Variants in TMEM178B observed in about 807,000 individuals in gnomAD.
The protein encoded by TMEM178B is transmembrane protein 178B.
A neutral mutation model predicts 31.0 loss-of-function variants in TMEM178B; 5 were observed. That is an observed-to-expected ratio of 0.16 (90% confidence interval 0.08 to 0.34). The LOEUF (loss-of-function observed/expected upper bound fraction) is 0.34, where lower values mean the gene tolerates loss of function less well. TMEM178B is among the 10% of genes least tolerant of loss of function. The pLI is 1.00. For synonymous variants in TMEM178B, 164 were observed against 164.0 expected (o/e 1.00, Z 0.00); for missense variants, 275 against 400.3 (o/e 0.69, Z 2.67).
At chr7:141,243,359 G>A (rs1563129264) in intron 2 of TMEM178B, among the ~76,000 whole-genome samples, 1 of 152,034 alleles carries the variant, frequency 6.6e-6, no homozygotes. Flanking sequence ...AAGTCTCTCA[G>A]CACTTCTGTC....
chr7:141,276,846 T>A (rs2116390656), intron 2 of TMEM178B, among the ~76,000 whole-genome samples: 1 of 152,360 alleles, frequency 6.6e-6, no homozygotes, highest in South Asian at 2.1e-4. Context: ...CTGTACAGCA[T>A]GTGGCTGTAC....
intron 2 of TMEM178B, among the ~76,000 whole-genome samples, chr7:141,367,989 C>T (rs899543996): frequency 2.6e-5 from 4 of 152,156 alleles, no homozygotes; most frequent in African/African-American, 4.8e-5. Flanking sequence ...GAGGCAGAGG[C>T]CATGCTTATT....
chr7:141,288,380 G>A lies in TMEM178B; in HGVS notation c.496+75676G>A, dbSNP rs529298832. Among the ~76,000 whole-genome samples, 9 of 150,724 alleles carry A rather than the reference G, an allele frequency of 6.0e-5. 1 individual carries two copies. The South Asian group carries it at 1.5e-3, about 25-fold the overall frequency. On this transcript the variant is annotated intron_variant, in intron 2 of 3. Coordinates refer to ENST00000565468, the MANE Select transcript of TMEM178B (RefSeq NM_001195278.2). ...AGTCCAGGTGCCTACCCAGTGCCTC[G>A]CTCCATCCTTTATTCCTCATCTGTT...
chr7:141,454,311 C>T (rs1363566486), intron 3 of TMEM178B, among the ~76,000 whole-genome samples: 2 of 152,166 alleles, frequency 1.3e-5, no homozygotes, highest in African/African-American at 4.8e-5. Flanking sequence ...AAACTTCTCT[C>T]CTCTCTTTAG....
At chr7:141,107,776 C>T (rs981210523) in intron 1 of TMEM178B, among the ~76,000 whole-genome samples, 1 of 152,122 alleles carries the variant, frequency 6.6e-6, no homozygotes, top group East Asian at 1.9e-4. Context: ...TGAGAGTTGT[C>T]AGCGTTGATG....
chr7:141,106,179 A>T lies in TMEM178B; in HGVS notation c.382+31487A>T, dbSNP rs553361232. Among the ~76,000 whole-genome samples, 10 of 151,858 alleles carry T rather than the reference A, an allele frequency of 6.6e-5. No homozygotes were observed. In the South Asian group the frequency reaches 2.1e-3, roughly 32 times the overall value. On this transcript the variant is annotated intron_variant, in intron 1 of 3. Transcript: ENST00000565468. The stretch of plus-strand genomic sequence containing the variant: ...GAGTTTGTATTTATACTTGCATTTG[A>T]CTTTGCATTCTTCATAGTTGTTTTT...
intron 1 of TMEM178B, among the ~76,000 whole-genome samples, chr7:141,099,641 AG>A (rs1338608698): frequency 6.6e-6 from 1 of 152,202 alleles, no homozygotes; most frequent in African/African-American, 2.4e-5. Context: ...ATAGATCTAT[AG>A]CAAATCACAG....
chr7:141,333,081 C>A (rs1264222391), intron 2 of TMEM178B, among the ~76,000 whole-genome samples: 1 of 152,198 alleles, frequency 6.6e-6, no homozygotes, highest in East Asian at 1.9e-4. Flanking sequence ...GTCAGCAGCC[C>A]CTAGGGGTGG....
intron 1 of TMEM178B, among the ~76,000 whole-genome samples, chr7:141,081,282 C>T (rs191533446): frequency 6.4e-4 from 98 of 151,984 alleles, no homozygotes; most frequent in African/African-American, 2.3e-3. Context: ...TTAACAAAAA[C>T]GTTTCAAAAG....
intron 1 of TMEM178B, among the ~76,000 whole-genome samples, chr7:141,161,510 C>A (rs926347410): frequency 9.9e-5 from 15 of 152,142 alleles, no homozygotes; most frequent in African/African-American, 3.4e-4. Context: ...GAATCAATGG[C>A]TTCTTAGCAG....
At chr7:141,446,150 GCAC>G (rs371917266) in intron 3 of TMEM178B, among the ~76,000 whole-genome samples, 48 of 152,304 alleles carry the variant, frequency 3.2e-4, no homozygotes, top group African/African-American at 1.1e-3. Context: ...TGGCCAGGAT[GCAC>G]CACTTCAGTA....
intron 2 of TMEM178B, among the ~76,000 whole-genome samples, chr7:141,245,438 C>T (rs1395042389): frequency 2.0e-5 from 3 of 151,986 alleles, no homozygotes; most frequent in Non-Finnish European, 4.4e-5. Flanking sequence ...GCCCAGAGGC[C>T]TGAATGTTAA....
chr7:141,107,716 A>T (rs1223470007), intron 1 of TMEM178B, among the ~76,000 whole-genome samples: 1 of 152,206 alleles, frequency 6.6e-6, no homozygotes, highest in Non-Finnish European at 1.5e-5. Context: ...AGGCACTTGG[A>T]TATATGTGTC....
the TMEM178B span, among the ~76,000 whole-genome samples, chr7:141,501,356 C>T: frequency 3.4e-3 from 513 of 151,620 alleles, 6 homozygotes; most frequent in African/African-American, 0.012. Flanking sequence ...CAACAGAGCA[C>T]GTACTACCAC....
At chr7:141,483,732 CCTT>C (rs1471665554), downstream of TMEM178B, among the ~76,000 whole-genome samples, 10 of 144,132 alleles carry the variant, frequency 6.9e-5, no homozygotes, top group East Asian at 3.9e-4. Context: ...TATATCTTGC[CCTT>C]CTTCTTTTTT....
chr7:141,116,823 A>G (rs1283398946), intron 1 of TMEM178B, among the ~76,000 whole-genome samples: 1 of 152,134 alleles, frequency 6.6e-6, no homozygotes, highest in East Asian at 1.9e-4. Context: ...AGCTTCATCC[A>G]TGTCCCTGCA....
At chr7:141,480,674 C>T (rs1802460485), downstream of TMEM178B, among the ~76,000 whole-genome samples, 1 of 152,206 alleles carries the variant, frequency 6.6e-6, no homozygotes, top group Non-Finnish European at 1.5e-5. Context: ...GCATTAATAA[C>T]TCTTTTTAAA....
At chr7:141,164,110 C>T (rs1489269018) in intron 1 of TMEM178B, among the ~76,000 whole-genome samples, 1 of 152,104 alleles carries the variant, frequency 6.6e-6, no homozygotes, top group Non-Finnish European at 1.5e-5. Flanking sequence ...TTGATAGATA[C>T]AATAGTACAC....
At chr7:141,374,934 C>A (rs1800186403) in intron 2 of TMEM178B, among the ~76,000 whole-genome samples, 2 of 152,164 alleles carry the variant, frequency 1.3e-5, no homozygotes, top group South Asian at 4.1e-4. Flanking sequence ...TCTGCATCCT[C>A]TTCAGTATTC....
Sources: gnomAD v4.1 joint callset for allele counts (sites outside exome capture counted in the v4.1 genomes callset) on GRCh38, gnomAD v4.1.1 for gene constraint, MANE v1.5 for transcripts, NCBI Gene and HGNC (gene_info 2026-07-23, HGNC 2026-07-21) for gene names.